KNL1: variants seen among roughly 807,000 people sequenced by gnomAD.
KNL1 encodes the protein outer kinetochore KNL1 complex subunit KNL1.
Under a neutral mutation model 201.3 loss-of-function variants are expected in KNL1, and 66 were observed. That is an observed-to-expected ratio of 0.33 (90% CI 0.27 to 0.40). The LOEUF (loss-of-function observed/expected upper bound fraction) is 0.40. Among genes scored for constraint, KNL1 ranks in the 10% least tolerant of loss-of-function variants. The pLI is 1.00. For synonymous variants in KNL1, 895 were observed against 899.2 expected (o/e 1.00, Z 0.08); for missense variants, 2,815 against 2,690.5 (o/e 1.05, Z -1.02).
intron 6 of KNL1, among the ~76,000 whole-genome samples, 191 bp downstream of exon 6, chr15:40,610,488 A>G (rs1892118132): frequency 2.0e-5 from 3 of 152,304 alleles, no homozygotes; most frequent in African/African-American, 4.8e-5. Flanking sequence ...GCTTGAGCCC[A>G]GGAGTTCAAG....
At chr15:40,645,304 AGT>A (rs1893352446) in intron 15 of KNL1, among the ~76,000 whole-genome samples, 1 of 152,198 alleles carries the variant, frequency 6.6e-6, no homozygotes, top group Non-Finnish European at 1.5e-5. Flanking sequence ...ATATAGTTGA[AGT>A]TTATTTAGAG....
intron 13 of KNL1, among the ~76,000 whole-genome samples, chr15:40,634,989 GAGAT>G (rs1893014013): frequency 1.3e-5 from 2 of 151,800 alleles, no homozygotes; most frequent in Admixed American, 1.3e-4. Context: ...AAAGGCCAAA[GAGAT>G]GGATTATATG....
At chr15:40,654,537 A>C (rs1356872881) in intron 21 of KNL1, among the ~76,000 whole-genome samples, 1 of 151,354 alleles carries the variant, frequency 6.6e-6, no homozygotes, top group Non-Finnish European at 1.5e-5. Context: ...AGGATTCTAA[A>C]GTACTGAGTT....
chr15:40,621,235 A>G lies in KNL1; in HGVS notation c.971A>G (p.Asn324Ser). 1 of 1,613,380 alleles carries G rather than the reference A, an allele frequency of 6.2e-7. No homozygotes were observed. The highest frequency in any genetic ancestry group is 8.5e-7 in the Non-Finnish European group (1 of 1,179,678). ...YGNDFMDLTF[N>S]HTLQILPATG... is the part of the protein sequence containing the mutation. ...AATGACTTTATGGACTTGACATTTA[A>G]CCACACTTTGCAGATCTTACCTGCA... The change falls in exon 10 of 26, where the codon AAC becomes AGC. Residue 324 changes from asparagine (N) to serine (S), a missense_variant. Coordinates refer to ENST00000399668, the MANE Select transcript of KNL1 (RefSeq NM_144508.5).
intron 17 of KNL1, among the ~76,000 whole-genome samples, chr15:40,647,333 G>A (rs1893420570): frequency 1.3e-5 from 2 of 151,934 alleles, no homozygotes; most frequent in Non-Finnish European, 2.9e-5. Flanking sequence ...AAATTAGCTG[G>A]GCGTGGTGAC....
chr15:40,618,902 GA>G (rs756242510), intron 8 of KNL1, 56 bp from the exon 9 acceptor site: 85 of 1,124,396 alleles, frequency 7.6e-5, no homozygotes, highest in Non-Finnish European at 1.0e-4. Context: ...CTAAGAAAAG[GA>G]AAATCAGGCT....
At chr15:40,629,929 AT>A (rs1186700672) in intron 13 of KNL1, among the ~76,000 whole-genome samples, 1 of 151,948 alleles carries the variant, frequency 6.6e-6, no homozygotes, top group Middle Eastern at 3.2e-3. Flanking sequence ...CTTGCCATCT[AT>A]TTTTTTGATA....
At chr15:40,638,611 C>T (rs1468375165) in intron 13 of KNL1, among the ~76,000 whole-genome samples, 1 of 151,788 alleles carries the variant, frequency 6.6e-6, no homozygotes. Flanking sequence ...CTCGCCTCAG[C>T]CCCCCAAGTA....
chr15:40,644,871 CAG>C, intron 14 of KNL1, 124 bp from the exon 15 acceptor site: 1 of 555,174 alleles, frequency 1.8e-6, no homozygotes, highest in Non-Finnish European at 3.2e-6. Flanking sequence ...CTCAGCAAAA[CAG>C]TTGTTCAAAG....
chr15:40,601,197 C>A (rs968179661), intron 1 of KNL1, among the ~76,000 whole-genome samples: 2 of 152,152 alleles, frequency 1.3e-5, no homozygotes, highest in East Asian at 3.8e-4. Flanking sequence ...GAACTGCGCA[C>A]ACGAGGGATC....
intron 17 of KNL1, among the ~76,000 whole-genome samples, chr15:40,649,726 T>C (rs1343346831): frequency 6.6e-6 from 1 of 152,178 alleles, no homozygotes; most frequent in African/African-American, 2.4e-5. Flanking sequence ...TTCCTCAGCC[T>C]CCTGAGTAGT....
chr15:40,625,102 G>A lies in KNL1; in HGVS notation c.4838G>A (p.Ser1613Asn). The change falls in exon 10 of 26, where the codon AGC becomes AAC. Residue 1613 changes from serine (S) to asparagine (N), a missense_variant. Ser to Asn is a conservative substitution (Grantham distance 46). Around this residue, in one of 3 missense-constraint regions of KNL1, gnomAD observed 2,464 missense variants for 2,291.7 expected, o/e 1.08. Transcript: ENST00000399668. ...TEIHNINIIS[S>N]NAKDSRDEEN... ...ATACATAATATTAACATAATCTCCA[G>A]CAATGCTAAAGATAGTAGAGATGAG... 1 of 1,613,822 alleles carries A rather than the reference G, an allele frequency of 6.2e-7. No homozygotes were observed. Among genetic ancestry groups the A allele is most frequent in the Admixed American group, 1.7e-5 (1 of 59,962 alleles).
rs150467089 is a variant in KNL1 at position 40,622,864 on chromosome 15, A to G, written c.2600A>G (p.Asp867Gly). 1.9e-4 allele frequency: 313 copies of G among 1,613,432 alleles called. 1 individual carries two copies. The African/African-American group carries it at 3.8e-3, about 20-fold the overall frequency. ...GATAAGACTATTGTATTTTCAGAAGACGATAAGAATGATATGGATATCACT... is the reference window on the plus strand; with the variant it reads ...GATAAGACTATTGTATTTTCAGAAGGCGATAAGAATGATATGGATATCACT... ...KIDKTIVFSE[D>G]DKNDMDITKS... is the part of the protein sequence containing the mutation. The change falls in exon 10 of 26, where the codon GAC becomes GGC. Residue 867 changes from aspartate (D) to glycine (G), a missense_variant. Coordinates refer to ENST00000399668, the MANE Select transcript of KNL1 (RefSeq NM_144508.5).
At chr15:40,648,028 T>G (rs1303091100) in intron 17 of KNL1, among the ~76,000 whole-genome samples, 1 of 152,204 alleles carries the variant, frequency 6.6e-6, no homozygotes. Flanking sequence ...CAAGCATTTT[T>G]TGAGCATATA....
At chr15:40,611,954 T>G (rs1595918470) in intron 7 of KNL1, among the ~76,000 whole-genome samples, 1 of 152,126 alleles carries the variant, frequency 6.6e-6, no homozygotes, top group African/African-American at 2.4e-5. Context: ...CCGAGGCTGG[T>G]GGATCACCTG....
intron 1 of KNL1, among the ~76,000 whole-genome samples, chr15:40,599,474 C>T (rs993099694): frequency 2.0e-5 from 3 of 149,654 alleles, no homozygotes; most frequent in African/African-American, 7.4e-5. Context: ...GCCTCTGCCT[C>T]CCAGGGTCAA....
At chr15:40,602,090 C>T (rs940908838) in intron 1 of KNL1, among the ~76,000 whole-genome samples, 2 of 149,402 alleles carry the variant, frequency 1.3e-5, no homozygotes, top group Admixed American at 6.7e-5. Flanking sequence ...ACTGTGGTGG[C>T]GCTATCTCGG....
chr15:40,629,403 TCAAA>T, intron 13 of KNL1, 32 bp downstream of exon 13: 4 of 1,325,812 alleles, frequency 3.0e-6, no homozygotes, highest in Non-Finnish European at 4.1e-6. Context: ...AATGTTTGCA[TCAAA>T]GCAAACATTT....
intron 2 of KNL1, among the ~76,000 whole-genome samples, chr15:40,604,116 TATCATCATCATC>T (rs71104704): frequency 3.3e-5 from 5 of 149,434 alleles, no homozygotes; most frequent in East Asian, 2.0e-4. Flanking sequence ...CTGTCTCACA[TATCATCATCATC>T]ATCATCATCA....
Sources: allele counts gnomAD v4.1 joint callset (sites outside exome capture counted in the v4.1 genomes callset), GRCh38; gene constraint gnomAD v4.1.1; regional missense constraint gnomAD v4.1.1; transcripts MANE v1.5; gene names NCBI Gene and HGNC (gene_info 2026-07-23, HGNC 2026-07-21).